FAAH2: variants seen among roughly 807,000 people sequenced by gnomAD.
FAAH2 encodes fatty acid amide hydrolase 2, also known as fatty-acid amide hydrolase 2.
FAAH2 carries 60 observed loss-of-function variants against 36.9 expected under a neutral mutation model. The ratio of observed to expected loss-of-function variants is 1.63; its 90% CI spans 1.32 to 2.02. The LOEUF is 2.02. FAAH2 is among the 30% of genes most tolerant of loss of function. The pLI is 0.00. For synonymous variants in FAAH2, 214 were observed against 143.8 expected, an observed-to-expected ratio of 1.49 and a Z score of -3.49; for missense variants, 689 against 397.5, an observed-to-expected ratio of 1.73 and a Z score of -6.23.
At chrX:57,472,727 C>T (rs1306112646) in intron 10 of FAAH2, among the ~76,000 whole-genome samples, 1 of 109,841 alleles carries the variant, frequency 9.1e-6, no homozygotes, top group Non-Finnish European at 1.9e-5. Flanking sequence ...TTCAGGTTTT[C>T]TATTTCTTGC....
intron 7 of FAAH2, among the ~76,000 whole-genome samples, chrX:57,385,754 A>G (rs1204544251): frequency 9.0e-6 from 1 of 110,631 alleles, no homozygotes; most frequent in Non-Finnish European, 1.9e-5. Flanking sequence ...ACAAAATACA[A>G]AAAATTAGCC....
At chrX:57,147,087 T>C in the FAAH2 span, among the ~76,000 whole-genome samples, 1 of 111,665 alleles carries the variant, frequency 9.0e-6, no homozygotes, top group Non-Finnish European at 1.9e-5. Flanking sequence ...CACAGAATGA[T>C]TTAGGAAGGA....
At chrX:57,325,490 G>A (rs908998153) in intron 3 of FAAH2, among the ~76,000 whole-genome samples, 4 of 111,082 alleles carry the variant, frequency 3.6e-5, no homozygotes, top group African/African-American at 6.5e-5. Context: ...TGGTTGGTAG[G>A]CTATTTATTA....
chrX:57,172,374 A>G, the FAAH2 span, among the ~76,000 whole-genome samples: 1 of 110,666 alleles, frequency 9.0e-6, no homozygotes, highest in Non-Finnish European at 1.9e-5. Flanking sequence ...TGCTGCTCAG[A>G]TCTCTAGGGG....
intron 10 of FAAH2, among the ~76,000 whole-genome samples, chrX:57,480,449 C>T (rs1020837857): frequency 1.8e-5 from 2 of 111,984 alleles, no homozygotes; most frequent in Non-Finnish European, 3.8e-5. Flanking sequence ...CAAAGTTTCT[C>T]AGTATTTGTT....
At chrX:57,355,203 T>C (rs972273816) in intron 5 of FAAH2, among the ~76,000 whole-genome samples, 1 of 111,084 alleles carries the variant, frequency 9.0e-6, no homozygotes, top group Non-Finnish European at 1.9e-5. Context: ...CAAAAACATG[T>C]GTTGGTTAAA....
At chrX:57,147,909 T>C in the FAAH2 span, among the ~76,000 whole-genome samples, 1 of 112,145 alleles carries the variant, frequency 8.9e-6, no homozygotes, top group Admixed American at 9.4e-5. Flanking sequence ...TATTCCACTC[T>C]AGTCTGAGAG....
chrX:57,229,226 T>G, the FAAH2 span: 1 of 112,336 alleles, frequency 8.9e-6, no homozygotes, highest in Admixed American at 9.4e-5. Context: ...GCTGCTGCAT[T>G]TATCAAAAGC....
At chrX:57,348,052 A>T (rs1430529150) in intron 5 of FAAH2, among the ~76,000 whole-genome samples, 1 of 110,648 alleles carries the variant, frequency 9.0e-6, no homozygotes, top group African/African-American at 3.3e-5. Flanking sequence ...TGCAGTGCCT[A>T]CATTTCCTAT....
chrX:57,237,241 C>T, the FAAH2 span, among the ~76,000 whole-genome samples: 7,912 of 110,912 alleles, frequency 0.071, 692 homozygotes, highest in African/African-American at 0.25. Context: ...AAGTACCATG[C>T]CGTTTTGGTT....
chrX:57,258,458 A>C, the FAAH2 span, among the ~76,000 whole-genome samples: 1 of 111,251 alleles, frequency 9.0e-6, no homozygotes, highest in Non-Finnish European at 1.9e-5. Context: ...TATATCAATC[A>C]AAAAAGTTTG....
intron 10 of FAAH2, among the ~76,000 whole-genome samples, chrX:57,457,004 A>G (rs1255449221): frequency 8.9e-6 from 1 of 111,977 alleles, no homozygotes; most frequent in African/African-American, 3.3e-5. Flanking sequence ...AAATAAAAAA[A>G]AATTCAAGTC....
the FAAH2 span, among the ~76,000 whole-genome samples, chrX:57,159,283 A>G: frequency 7.9e-4 from 89 of 111,995 alleles, 1 homozygote; most frequent in Middle Eastern, 4.6e-3. Context: ...TGATGCCTCC[A>G]GCTTTGTTCT....
the FAAH2 span, among the ~76,000 whole-genome samples, chrX:57,170,697 ATG>A: frequency 3.0e-3 from 302 of 99,747 alleles, 1 homozygote; most frequent in Middle Eastern, 5.0e-3. Context: ...TATTTACTTT[ATG>A]TGTGTGTGTG....
the FAAH2 span, among the ~76,000 whole-genome samples, chrX:57,266,229 C>T: frequency 8.9e-6 from 1 of 112,148 alleles, no homozygotes; most frequent in East Asian, 2.8e-4. Context: ...GCCTCTGCCT[C>T]CCTGGGATGA....
chrX:57,288,338 CTTTTTTTTTTTTT>C (rs771871081), intron 1 of FAAH2, among the ~76,000 whole-genome samples: 4 of 40,363 alleles, frequency 9.9e-5, no homozygotes, highest in Non-Finnish European at 1.6e-4. Flanking sequence ...AAAAACATTT[CTTTTTTTTTTTTT>C]TTTTTTTTTT....
chrX:57,358,578 TA>T (rs1416610197), intron 5 of FAAH2, among the ~76,000 whole-genome samples: 1 of 111,271 alleles, frequency 9.0e-6, no homozygotes, highest in Non-Finnish European at 1.9e-5. Flanking sequence ...TGTGTATATA[TA>T]TAGAGAGAGA....
intron 7 of FAAH2, among the ~76,000 whole-genome samples, chrX:57,397,810 C>T (rs965482925): frequency 2.7e-5 from 3 of 110,024 alleles, no homozygotes; most frequent in African/African-American, 1.0e-4. Flanking sequence ...CCCATTAACT[C>T]GTCATTTACA....
At chrX:57,347,544 A>T (rs2053854415) in intron 5 of FAAH2, among the ~76,000 whole-genome samples, 1 of 106,630 alleles carries the variant, frequency 9.4e-6, no homozygotes, top group South Asian at 4.1e-4. Flanking sequence ...CCATTCAGAT[A>T]ATGAGTTCCA....
Sources: allele counts gnomAD v4.1 joint callset (sites outside exome capture counted in the v4.1 genomes callset), GRCh38; gene constraint gnomAD v4.1.1; transcripts MANE v1.5; gene names NCBI Gene and HGNC (gene_info 2026-07-23, HGNC 2026-07-21).